The following GRIA1 variants were observed in gnomAD, a reference collection of about 807,000 sequenced individuals.
GRIA1 encodes the protein glutamate ionotropic receptor AMPA type subunit 1, also known as glutamate receptor 1.
GRIA1 carries 31 observed loss-of-function variants against 99.2 expected under a neutral mutation model. The ratio of observed to expected loss-of-function variants is 0.31; its 90% CI spans 0.23 to 0.42. The LOEUF is 0.42. Ranked by LOEUF, GRIA1 falls within the 10% of genes least tolerant of loss-of-function variation. GRIA1 has a pLI of 1.00. For synonymous variants in GRIA1, 438 were observed against 432.4 expected (o/e 1.01, Z -0.16); for missense variants, 782 against 1,157.5 (o/e 0.68, Z 4.71).
chr5:153,653,924 A>G (rs540121486), intron 4 of GRIA1, among the ~76,000 whole-genome samples: 2 of 152,366 alleles, frequency 1.3e-5, no homozygotes, highest in Admixed American at 1.3e-4. Context: ...GAGGCCATTC[A>G]GACACAAATA....
chr5:153,491,445 C>T, intron 1 of GRIA1: 1 of 366,532 alleles, frequency 2.7e-6, no homozygotes, highest in Admixed American at 6.0e-5. Flanking sequence ...GAAAAGAGAC[C>T]CTCGAGAAGA....
chr5:153,567,302 C>A (rs1176841734), intron 2 of GRIA1, among the ~76,000 whole-genome samples: 1 of 152,060 alleles, frequency 6.6e-6, no homozygotes, highest in Non-Finnish European at 1.5e-5. Flanking sequence ...ACAAATAAAT[C>A]AAAGATTTCA....
At position 153,765,870 on chromosome 5, in the gene GRIA1, T is replaced by C. The variant is rs556756329; in HGVS notation, c.2022+1238T>C. Reference sequence around the variant, plus strand: ...AGCTCAGAGTTAGGATAGGTCCCCATTTTATAGATCAGAAAATTAAAAGAA... The same window carrying C: ...AGCTCAGAGTTAGGATAGGTCCCCACTTTATAGATCAGAAAATTAAAAGAA... On this transcript the variant is annotated intron_variant, in intron 12 of 15. Transcript: ENST00000285900. Among the ~76,000 whole-genome samples the C allele has an allele frequency of 5.9e-5, 9 of 152,324 alleles. No individual in the cohort carries two copies. The South Asian group carries it at 8.3e-4, about 14-fold the overall frequency.
chr5:153,774,105 G>C (rs1336269523), intron 13 of GRIA1, among the ~76,000 whole-genome samples: 1 of 101,856 alleles, frequency 9.8e-6, no homozygotes, highest in Non-Finnish European at 1.8e-5. Flanking sequence ...CTCCAGCCAA[G>C]TTTCCATTAT....
At chr5:153,696,342 C>T (rs1758097439) in intron 8 of GRIA1, among the ~76,000 whole-genome samples, 1 of 151,850 alleles carries the variant, frequency 6.6e-6, no homozygotes, top group Non-Finnish European at 1.5e-5. Flanking sequence ...AAGTCCAGAG[C>T]CCAATCCCTT....
At chr5:153,739,949 A>T (rs376087408) in intron 11 of GRIA1, among the ~76,000 whole-genome samples, 1 of 152,246 alleles carries the variant, frequency 6.6e-6, no homozygotes, top group Non-Finnish European at 1.5e-5. Flanking sequence ...AGCCATTTCC[A>T]TTATGATTTA....
chr5:153,490,061 A>G (rs1176624586), upstream of GRIA1, among the ~76,000 whole-genome samples: 1 of 151,608 alleles, frequency 6.6e-6, no homozygotes, highest in Non-Finnish European at 1.5e-5. Flanking sequence ...TCCTTCCATT[A>G]GGAGAGAGAA....
intron 2 of GRIA1, among the ~76,000 whole-genome samples, chr5:153,607,891 G>A (rs1194476613): frequency 6.6e-6 from 1 of 151,818 alleles, no homozygotes; most frequent in Non-Finnish European, 1.5e-5. Context: ...TTATCTCAAA[G>A]TTTCCATCTG....
rs147243828 is a variant in GRIA1, at chr5:153,638,788, G to A, written c.221-8140G>A. On this transcript the variant is annotated intron_variant, in intron 2 of 15. Coordinates refer to ENST00000285900, the MANE Select transcript of GRIA1 (RefSeq NM_000827.4). ...GTGTTAGATAAAAAATTGATAAGAC[G>A]CACACATTTTTATGTACATTTAAAA... Among the ~76,000 whole-genome samples the A allele has an allele frequency of 5.4e-3, 815 of 152,294 alleles. 8 individuals are homozygous for A. The highest frequency in any genetic ancestry group is 0.018 in the African/African-American group (739 of 41,550).
At chr5:153,674,479 T>C (rs2084693814) in intron 5 of GRIA1, 21 bp from the exon 6 acceptor site, 1 of 1,613,706 alleles carries the variant, frequency 6.2e-7, no homozygotes, top group Non-Finnish European at 8.5e-7. Flanking sequence ...TTCTAACTTC[T>C]CCCTCCTCCC....
At chr5:153,501,130 C>A (rs117142577) in intron 2 of GRIA1, among the ~76,000 whole-genome samples, 3 of 152,162 alleles carry the variant, frequency 2.0e-5, no homozygotes, top group African/African-American at 4.8e-5. Context: ...ACATTCAGGG[C>A]GCATTCTGTA....
At chr5:153,562,799 C>T (rs1221247540) in intron 2 of GRIA1, among the ~76,000 whole-genome samples, 1 of 152,174 alleles carries the variant, frequency 6.6e-6, no homozygotes, top group Non-Finnish European at 1.5e-5. Flanking sequence ...ACACATATGA[C>T]TAGGACTTTT....
intron 11 of GRIA1, among the ~76,000 whole-genome samples, chr5:153,741,921 CTA>C (rs1380184295): frequency 7.6e-6 from 1 of 132,044 alleles, no homozygotes; most frequent in African/African-American, 3.0e-5. Context: ...ACGTATAAAA[CTA>C]AAGCTTTTTT....
intron 8 of GRIA1, among the ~76,000 whole-genome samples, chr5:153,691,133 T>C (rs1757718058): frequency 6.6e-6 from 1 of 152,168 alleles, no homozygotes; most frequent in South Asian, 2.1e-4. Context: ...TAAGCATCCA[T>C]TCATCATAAA....
chr5:153,660,600 A>C (rs921677619), intron 5 of GRIA1, among the ~76,000 whole-genome samples: 1 of 152,214 alleles, frequency 6.6e-6, no homozygotes, highest in Admixed American at 6.5e-5. Context: ...CTACAGTAGC[A>C]GCAATAGATC....
chr5:153,489,803 G>A (rs1248160345), upstream of GRIA1: 1 of 456,534 alleles, frequency 2.2e-6, no homozygotes, highest in East Asian at 6.9e-5. Flanking sequence ...CCTCTCACTA[G>A]AATCCCTGCA....
intron 3 of GRIA1, among the ~76,000 whole-genome samples, chr5:153,649,183 AAC>A (rs934589298): frequency 7.9e-5 from 12 of 152,204 alleles, no homozygotes; most frequent in African/African-American, 2.9e-4. Flanking sequence ...TTTAGACACC[AAC>A]ACAGCCCTGC....
rs149587880 is a variant in GRIA1, at chr5:153,535,717, G to A, written c.220+41652G>A. Among the ~76,000 whole-genome samples the A allele has an allele frequency of 1.9e-3, 294 of 152,312 alleles. 1 individual carries two copies. Among genetic ancestry groups the A allele is most frequent in the African/African-American group, 6.8e-3 (284 of 41,570 alleles). On this transcript the variant is annotated intron_variant, in intron 2 of 15. Transcript: ENST00000285900. ...ATGTACATATCCAAATCCAAGATCA[G>A]TACAATTTTCACCTCCACCTTGTCT...
chr5:153,505,935 A>C (rs1246789140), intron 2 of GRIA1, among the ~76,000 whole-genome samples: 1 of 152,196 alleles, frequency 6.6e-6, no homozygotes, highest in Admixed American at 6.5e-5. Flanking sequence ...TCAGATATAA[A>C]AGTTGGAAGA....
Sources: gnomAD v4.1 joint callset for allele counts (sites outside exome capture counted in the v4.1 genomes callset) on GRCh38, gnomAD v4.1.1 for gene constraint, MANE v1.5 for transcripts, NCBI Gene and HGNC (gene_info 2026-07-23, HGNC 2026-07-21) for gene names.